The following DHRS12 variants were observed in gnomAD, a reference collection of about 807,000 sequenced individuals.
DHRS12 encodes dehydrogenase/reductase SDR family member 12.
Under a neutral mutation model 32.1 loss-of-function variants are expected in DHRS12, and 29 were observed. The observed-to-expected ratio is 0.90, with a 90% CI of 0.67 to 1.23. The LOEUF is 1.23. Ranked by LOEUF, DHRS12 falls within the 50% of genes most tolerant of loss-of-function variation. The pLI is 0.00. For missense variants in DHRS12, 330 were observed against 337.2 expected, an observed-to-expected ratio of 0.98 and a Z score of 0.17; for synonymous variants, 150 against 135.9, an observed-to-expected ratio of 1.10 and a Z score of -0.72.
intron 6 of DHRS12, chr13:51,773,177 G>T: frequency 1.4e-6 from 1 of 730,602 alleles, no homozygotes; most frequent in Non-Finnish European, 1.7e-6. Flanking sequence ...AGTGTTTCAA[G>T]TTTCAGATTT....
chr13:51,767,715 T>C (rs1953795284), downstream of DHRS12: 1 of 153,980 alleles, frequency 6.5e-6, no homozygotes, highest in African/African-American at 2.5e-5. Flanking sequence ...ATATGCATCG[T>C]CCCTTGGTTA....
intron 8 of DHRS12, chr13:51,768,915 C>G (rs772738231): frequency 2.6e-5 from 36 of 1,391,702 alleles, no homozygotes; most frequent in Non-Finnish European, 3.3e-5. Flanking sequence ...CTGCCTCTCC[C>G]GTTCTCACAG....
At chr13:51,772,161 G>C (rs1349651317) in intron 6 of DHRS12, among the ~76,000 whole-genome samples, 4 of 152,116 alleles carry the variant, frequency 2.6e-5, no homozygotes, top group African/African-American at 9.7e-5. Flanking sequence ...GAGAGAGAAG[G>C]AATAGCAGGC....
Position 51,787,921 on chromosome 13 carries a change from T to TAAA in DHRS12, c.301+2089_301+2090insTTT, listed in dbSNP as rs1362004629. Among the ~76,000 whole-genome samples, 382 of 100,808 alleles carry TAAA rather than the reference T, an allele frequency of 3.8e-3. 2 individuals carry two copies. Among genetic ancestry groups the TAAA allele is most frequent in the East Asian group, 6.1e-3 (26 of 4,272 alleles). 66.1% of individuals were successfully genotyped at this position (100,808 alleles called of 152,430 possible). On this transcript the variant is annotated intron_variant, in intron 4 of 8. Transcript: ENST00000444610. ...ATATATAAAAATATATAATTATATA[T>TAAA]AATATATACTTATATATATAATTAT...
intron 7 of DHRS12, 67 bp from the exon 8 acceptor site, chr13:51,769,360 ATTT>A: frequency 8.2e-7 from 1 of 1,216,766 alleles, no homozygotes; most frequent in Admixed American, 3.6e-5. Flanking sequence ...ACTTCCCTTA[ATTT>A]AAAAAAAAAA....
chr13:51,790,786 T>C (rs190170322), intron 3 of DHRS12, among the ~76,000 whole-genome samples: 17 of 152,316 alleles, frequency 1.1e-4, no homozygotes, highest in African/African-American at 4.1e-4. Flanking sequence ...GTGCTAATTA[T>C]GTTACTAAAA....
chr13:51,769,572 A>C (rs1953918934), intron 7 of DHRS12, among the ~76,000 whole-genome samples: 2 of 152,082 alleles, frequency 1.3e-5, no homozygotes, highest in Non-Finnish European at 2.9e-5. Flanking sequence ...CTGAGAGCAG[A>C]GTCGCCCGCA....
chr13:51,763,357 A>C (rs1186413649), downstream of DHRS12: 1 of 152,166 alleles, frequency 6.6e-6, no homozygotes, highest in Non-Finnish European at 1.5e-5. Context: ...ATTCCTTCCT[A>C]TACATTCCCC....
chr13:51,796,046 T>C (rs1245235377), intron 2 of DHRS12, among the ~76,000 whole-genome samples: 1 of 152,172 alleles, frequency 6.6e-6, no homozygotes, highest in African/African-American at 2.4e-5. Context: ...CTTAAATACA[T>C]GTTAAAAAAC....
chr13:51,791,770 C>T (rs1053791411), intron 2 of DHRS12, among the ~76,000 whole-genome samples: 1 of 152,186 alleles, frequency 6.6e-6, no homozygotes, highest in Non-Finnish European at 1.5e-5. Context: ...TCCTTTCCCC[C>T]AGCCCCTGAC....
chr13:51,801,463 CA>C (rs1566312755), intron 1 of DHRS12, among the ~76,000 whole-genome samples: 1 of 152,214 alleles, frequency 6.6e-6, no homozygotes, highest in African/African-American at 2.4e-5. Context: ...GCTGGGATTA[CA>C]GGCATAAGCC....
chr13:51,795,432 C>A (rs1391819567), intron 2 of DHRS12, among the ~76,000 whole-genome samples: 3 of 152,214 alleles, frequency 2.0e-5, no homozygotes, highest in Non-Finnish European at 4.4e-5. Context: ...ATAGTAGCTA[C>A]TTCTATTGAT....
In DHRS12 at chr13:51,804,132, C is replaced by A; in HGVS notation, c.-87G>T. ...CATGCCGGGAGCGCCCCACGCCTAGCCCCACCGCGCTCCCGGCGCGGCCTC... is the reference window on the plus strand; with the variant it reads ...CATGCCGGGAGCGCCCCACGCCTAGACCCACCGCGCTCCCGGCGCGGCCTC... On this transcript the variant is annotated 5_prime_UTR_variant, in exon 1 of 9. Coordinates refer to ENST00000444610, the MANE Select transcript of DHRS12 (RefSeq NM_001377533.1). 2 of 1,458,514 alleles carry A rather than the reference C, an allele frequency of 1.4e-6. No individual in the cohort carries two copies. Among genetic ancestry groups the A allele is most frequent in the Admixed American group, 2.5e-5 (1 of 39,514 alleles). The allele number at this position is 1,458,514 out of a possible 1,614,324, so 90.3% of individuals were successfully genotyped here.
At chr13:51,788,308 T>C (rs1480456514) in intron 4 of DHRS12, among the ~76,000 whole-genome samples, 2 of 152,126 alleles carry the variant, frequency 1.3e-5, no homozygotes, top group Admixed American at 6.6e-5. Context: ...TTGGTACTTT[T>C]GGTCATTTCA....
intron 6 of DHRS12, 148 bp from the exon 7 acceptor site, chr13:51,772,059 G>A (rs1480399982): frequency 2.7e-6 from 2 of 730,406 alleles, no homozygotes; most frequent in Non-Finnish European, 4.6e-6. Flanking sequence ...TCCAAAATCA[G>A]TCTTTACTCA....
chr13:51,789,658 C>G (rs368713983), intron 4 of DHRS12: 4 of 985,334 alleles, frequency 4.1e-6, no homozygotes, highest in Non-Finnish European at 4.8e-6. Context: ...ACTGGTTGCA[C>G]CTTCCTCAGC....
chr13:51,803,159 G>A (rs1263384480), intron 1 of DHRS12, among the ~76,000 whole-genome samples: 1 of 152,208 alleles, frequency 6.6e-6, no homozygotes, highest in Non-Finnish European at 1.5e-5. Context: ...GGGGTGAAGA[G>A]CAGGGAGTTG....
intron 2 of DHRS12, among the ~76,000 whole-genome samples, chr13:51,795,100 G>C (rs1276298552): frequency 6.6e-6 from 1 of 152,172 alleles, no homozygotes; most frequent in Non-Finnish European, 1.5e-5. Context: ...ACAAGCAGCT[G>C]AGATCCCCAC....
downstream of DHRS12, chr13:51,765,427 T>G (rs1186598448): frequency 6.6e-6 from 1 of 152,220 alleles, no homozygotes; most frequent in Non-Finnish European, 1.5e-5. Context: ...ATGTCTTCCT[T>G]GCATGTCCCA....
Sources: allele counts gnomAD v4.1 joint callset (sites outside exome capture counted in the v4.1 genomes callset), GRCh38; gene constraint gnomAD v4.1.1; transcripts MANE v1.5; gene names NCBI Gene and HGNC (gene_info 2026-07-23, HGNC 2026-07-21).